AXDND1: variants seen among roughly 807,000 people sequenced by gnomAD.
AXDND1 encodes axonemal dynein light chain domain containing 1.
AXDND1 carries 110 observed loss-of-function variants against 137.5 expected under a neutral mutation model. That is an observed-to-expected ratio of 0.80 (90% CI 0.69 to 0.94). The LOEUF (loss-of-function observed/expected upper bound fraction) is 0.94, where lower values mean the gene tolerates loss of function less well. Among genes scored for constraint, AXDND1 ranks in the 40% least tolerant of loss-of-function variants. AXDND1 has a pLI of 0.00. For synonymous variants in AXDND1, 414 were observed against 399.7 expected (o/e 1.04, Z -0.43); for missense variants, 1,191 against 1,169.8 (o/e 1.02, Z -0.26).
In AXDND1 at chr1:179,498,590, C is replaced by G. The variant is rs115583806; in HGVS notation, c.2388+5639C>G. On this transcript the variant is annotated intron_variant, in intron 20 of 25. Transcript: ENST00000367618. Reference sequence around the variant, plus strand: ...AAAAACAAAAATAGACAAGTGGGTCCTAATTAAAGAACATCTGCACAGAAA... The same window carrying G: ...AAAAACAAAAATAGACAAGTGGGTCGTAATTAAAGAACATCTGCACAGAAA... Among the ~76,000 whole-genome samples, 897 of 152,082 alleles carry G rather than the reference C, an allele frequency of 5.9e-3. 10 individuals are homozygous for G. The highest frequency in any genetic ancestry group is 0.021 in the African/African-American group (859 of 41,514).
intron 20 of AXDND1, among the ~76,000 whole-genome samples, chr1:179,502,582 A>G (rs1288557608): frequency 1.3e-5 from 2 of 151,586 alleles, no homozygotes; most frequent in African/African-American, 4.8e-5. Flanking sequence ...AAAAAAAAAA[A>G]AAAGAAATTG....
intron 12 of AXDND1, among the ~76,000 whole-genome samples, chr1:179,418,946 C>T (rs137858566): frequency 0.028 from 4,146 of 146,528 alleles, 92 homozygotes; most frequent in Non-Finnish European, 0.044. Context: ...ACGGGGTCGC[C>T]GCCGGGCAGA....
intron 24 of AXDND1, among the ~76,000 whole-genome samples, chr1:179,534,296 G>A (rs926600838): frequency 6.6e-6 from 1 of 152,166 alleles, no homozygotes; most frequent in Non-Finnish European, 1.5e-5. Context: ...GACATATAAC[G>A]TGCTGTAGTA....
chr1:179,541,669 A>G (rs1672166179), intron 25 of AXDND1, among the ~76,000 whole-genome samples: 1 of 136,162 alleles, frequency 7.3e-6, no homozygotes. Flanking sequence ...GCATGATAAT[A>G]TGCATAATAA....
chr1:179,487,128 A>G (rs1012560564), intron 18 of AXDND1, among the ~76,000 whole-genome samples: 1 of 148,790 alleles, frequency 6.7e-6, no homozygotes, highest in Admixed American at 6.6e-5. Context: ...AGAAAAATCT[A>G]CCAAGCAAAT....
At chr1:179,474,363 G>T (rs1664349076) in intron 17 of AXDND1, among the ~76,000 whole-genome samples, 1 of 152,180 alleles carries the variant, frequency 6.6e-6, no homozygotes. Context: ...CTGGATAATG[G>T]GCAGAGGTTG....
chr1:179,544,709 A>G (rs1159934741), intron 25 of AXDND1: 1 of 151,624 alleles, frequency 6.6e-6, no homozygotes. Flanking sequence ...AAAAAGAGAG[A>G]AGAGAGAAAA....
chr1:179,409,322 T>C (rs1222110399), intron 11 of AXDND1, among the ~76,000 whole-genome samples: 1 of 152,158 alleles, frequency 6.6e-6, no homozygotes, highest in African/African-American at 2.4e-5. Context: ...TTACTGAATT[T>C]GTATATCAAT....
chr1:179,366,313 C>T, intron 1 of AXDND1, 91 bp from the exon 2 acceptor site: 1 of 483,486 alleles, frequency 2.1e-6, no homozygotes, highest in Non-Finnish European at 3.7e-6. Context: ...GAGAACCATG[C>T]TAGATGAATT....
At chr1:179,522,245 C>T (rs1670134802) in intron 21 of AXDND1, among the ~76,000 whole-genome samples, 1 of 152,096 alleles carries the variant, frequency 6.6e-6, no homozygotes, top group African/African-American at 2.4e-5. Context: ...CTAATTTGCC[C>T]TCCAATTGAA....
intron 16 of AXDND1, among the ~76,000 whole-genome samples, chr1:179,466,730 A>G (rs1663250567): frequency 6.6e-6 from 1 of 151,984 alleles, no homozygotes. Context: ...TTCTTTTCAT[A>G]TTTCTGTTTC....
rs1415653563 is a variant in AXDND1 at position 179,380,883 on chromosome 1, CTT to C, written c.581+1403_581+1404del. On this transcript the variant is annotated intron_variant, in intron 6 of 25. Coordinates refer to ENST00000367618, the MANE Select transcript of AXDND1 (RefSeq NM_144696.6). ...TACCTTGAGTCACTGGTTGTTTACA[CTT>C]TGTCTCATTTGCTCTTAAACATACA... is the stretch of plus-strand genomic sequence containing the variant. Among the ~76,000 whole-genome samples, 7 of 152,228 alleles carry C rather than the reference CTT, an allele frequency of 4.6e-5. No individual in the cohort carries two copies. In the East Asian group the frequency reaches 9.7e-4, roughly 21 times the overall value.
intron 12 of AXDND1, among the ~76,000 whole-genome samples, chr1:179,424,426 C>CTTTTTT (rs139043229): frequency 9.3e-6 from 1 of 107,798 alleles, no homozygotes; most frequent in African/African-American, 3.4e-5. Flanking sequence ...TTTCTATTAT[C>CTTTTTT]TTTTTTTTTT....
intron 17 of AXDND1, among the ~76,000 whole-genome samples, chr1:179,481,701 A>G (rs1335791509): frequency 6.6e-6 from 1 of 152,040 alleles, no homozygotes; most frequent in Non-Finnish European, 1.5e-5. Context: ...GTGGTATCTC[A>G]TTGTGGTTTT....
intron 17 of AXDND1, among the ~76,000 whole-genome samples, chr1:179,477,967 C>T (rs1039778302): frequency 3.9e-5 from 6 of 151,974 alleles, no homozygotes; most frequent in Non-Finnish European, 5.9e-5. Context: ...ATTCAAAATC[C>T]GGCAGGGCAG....
At chr1:179,449,988 A>ATTCATT (rs1571882821) in intron 16 of AXDND1, 1 of 65,370 alleles carries the variant, frequency 1.5e-5, no homozygotes, top group Non-Finnish European at 2.8e-5. Flanking sequence ...GCCAATCTGG[A>ATTCATT]TTTTTTTTTT....
At position 179,447,898 on chromosome 1, in the gene AXDND1, T is replaced by C. The variant is rs1484131402; in HGVS notation, c.1798+2694T>C. On this transcript the variant is annotated intron_variant, in intron 16 of 25. Transcript: ENST00000367618. Reference sequence around the variant, plus strand: ...AGGAGCTCCAGGGGACACATTTCTATGTAATATGGTTTGAGGTGGAGAGAG... The same window carrying C: ...AGGAGCTCCAGGGGACACATTTCTACGTAATATGGTTTGAGGTGGAGAGAG... 1.2e-5 allele frequency: 16 copies of C among 1,363,074 alleles called. No homozygotes were observed. In the South Asian group the frequency reaches 1.5e-4, roughly 13 times the overall value. The allele number at this position is 1,363,074 out of a possible 1,614,324, so 84.4% of individuals were successfully genotyped here.
At chr1:179,484,814 C>T (rs544997770) in intron 18 of AXDND1, among the ~76,000 whole-genome samples, 70 of 152,332 alleles carry the variant, frequency 4.6e-4, no homozygotes, top group South Asian at 1.0e-3. Context: ...CTCCCCACCC[C>T]ATAACCAATG....
At chr1:179,489,101 A>G (rs1666543263) in intron 18 of AXDND1, among the ~76,000 whole-genome samples, 1 of 125,976 alleles carries the variant, frequency 7.9e-6, no homozygotes. Flanking sequence ...AGATTAGTAA[A>G]TTTGGAAGAA....
Sources: allele counts gnomAD v4.1 joint callset (sites outside exome capture counted in the v4.1 genomes callset), GRCh38; gene constraint gnomAD v4.1.1; transcripts MANE v1.5; gene names NCBI Gene and HGNC (gene_info 2026-07-23, HGNC 2026-07-21).